The following STARD13 variants were observed in gnomAD, a reference collection of about 807,000 sequenced individuals.
The protein encoded by STARD13 is stAR-related lipid transfer protein 13.
STARD13 carries 62 observed loss-of-function variants against 106.4 expected under a neutral mutation model. The observed-to-expected ratio is 0.58, with a 90% CI of 0.48 to 0.72. The LOEUF (loss-of-function observed/expected upper bound fraction) is 0.72, where lower values mean the gene tolerates loss of function less well. Ranked by LOEUF, STARD13 falls within the 30% of genes least tolerant of loss-of-function variation. The pLI is 0.00. For synonymous variants in STARD13, 565 were observed against 553.0 expected, an observed-to-expected ratio of 1.02 and a Z score of -0.31; for missense variants, 1,387 against 1,424.0, an observed-to-expected ratio of 0.97 and a Z score of 0.42.
chr13:33,113,405 C>T (rs1382831146), intron 8 of STARD13: 7 of 430,744 alleles, frequency 1.6e-5, no homozygotes, highest in South Asian at 4.9e-5. Context: ...ACAGTAGCCT[C>T]GCCTTGCGTT....
At chr13:33,540,260 T>C in the STARD13 span, among the ~76,000 whole-genome samples, 1 of 152,248 alleles carries the variant, frequency 6.6e-6, no homozygotes, top group Admixed American at 6.5e-5. Flanking sequence ...TGGTTCCTAG[T>C]GACCTTAGGT....
chr13:33,431,060 A>C, the STARD13 span, among the ~76,000 whole-genome samples: 1 of 152,238 alleles, frequency 6.6e-6, no homozygotes, highest in African/African-American at 2.4e-5. Context: ...TAGCTAGAAG[A>C]GAACAATTTG....
chr13:33,503,873 C>A, the STARD13 span, among the ~76,000 whole-genome samples: 1 of 152,138 alleles, frequency 6.6e-6, no homozygotes, highest in Middle Eastern at 3.4e-3. Flanking sequence ...GGGCTAATAT[C>A]CAGAATCTAC....
chr13:33,212,557 T>C (rs1208316780), intron 1 of STARD13, among the ~76,000 whole-genome samples: 1 of 152,166 alleles, frequency 6.6e-6, no homozygotes, highest in African/African-American at 2.4e-5. Flanking sequence ...TGTGGGCAGG[T>C]GCAGATGTGC....
At chr13:33,448,376 CTGACT>C in the STARD13 span, among the ~76,000 whole-genome samples, 1 of 152,064 alleles carries the variant, frequency 6.6e-6, no homozygotes, top group South Asian at 2.1e-4. Flanking sequence ...CTTTATGTTC[CTGACT>C]TATTTCACTC....
chr13:33,414,485 C>T, the STARD13 span, among the ~76,000 whole-genome samples: 1 of 152,160 alleles, frequency 6.6e-6, no homozygotes, highest in Non-Finnish European at 1.5e-5. Context: ...GCTAGTGATA[C>T]AGGCAACAAC....
chr13:33,349,851 C>T (rs1178525984), intron 1 of STARD13, among the ~76,000 whole-genome samples: 1 of 152,336 alleles, frequency 6.6e-6, no homozygotes, highest in South Asian at 2.1e-4. Flanking sequence ...CACTCTCCCT[C>T]CCGCGCATTC....
intron 1 of STARD13, among the ~76,000 whole-genome samples, chr13:33,331,586 G>A (rs1224155709): frequency 7.0e-6 from 1 of 143,142 alleles, no homozygotes; most frequent in Non-Finnish European, 1.5e-5. Flanking sequence ...GGCTAGTCTC[G>A]AACTCCTGAC....
chr13:33,323,042 C>CA (rs1893617059), intron 1 of STARD13, among the ~76,000 whole-genome samples: 1 of 152,206 alleles, frequency 6.6e-6, no homozygotes, highest in Non-Finnish European at 1.5e-5. Flanking sequence ...TTGAAATCTC[C>CA]ATATTTTTTC....
the STARD13 span, among the ~76,000 whole-genome samples, chr13:33,390,565 G>A: frequency 6.6e-6 from 1 of 151,944 alleles, no homozygotes; most frequent in Non-Finnish European, 1.5e-5. Flanking sequence ...GAAATAAGAG[G>A]GCAAAAATAA....
the STARD13 span, among the ~76,000 whole-genome samples, chr13:33,510,979 T>C: frequency 6.6e-6 from 1 of 152,164 alleles, no homozygotes; most frequent in Non-Finnish European, 1.5e-5. Flanking sequence ...CAAAGAGAAA[T>C]AATTGAGCTG....
upstream of STARD13, among the ~76,000 whole-genome samples, chr13:33,352,260 T>C (rs2078085813): frequency 6.6e-6 from 1 of 152,206 alleles, no homozygotes; most frequent in African/African-American, 2.4e-5. Flanking sequence ...CAAAATGCTC[T>C]GCAAAGAACA....
chr13:33,407,119 C>T, the STARD13 span, among the ~76,000 whole-genome samples: 1 of 152,164 alleles, frequency 6.6e-6, no homozygotes, highest in Non-Finnish European at 1.5e-5. Context: ...GTTTAACCCA[C>T]GGTCCAGCAG....
intron 1 of STARD13, among the ~76,000 whole-genome samples, chr13:33,197,387 G>C (rs1364339651): frequency 1.3e-5 from 2 of 150,604 alleles, no homozygotes; most frequent in Admixed American, 6.6e-5. Flanking sequence ...GGTGTGAATT[G>C]AGTTATCTCT....
At chr13:33,381,774 A>G in the STARD13 span, among the ~76,000 whole-genome samples, 3 of 152,144 alleles carry the variant, frequency 2.0e-5, no homozygotes, top group Non-Finnish European at 4.4e-5. Context: ...ATAAATTAAA[A>G]CATAAAAAAT....
rs551765612 is a variant in STARD13 at position 33,242,191 on chromosome 13, C to T, written c.169+43279G>A. ...AGTGAGGAGCCCCTCCGCCCAGCAGCCGCCCCATCCGGGAGGTGGGGGGCA... is the reference window on the plus strand; with the variant it reads ...AGTGAGGAGCCCCTCCGCCCAGCAGTCGCCCCATCCGGGAGGTGGGGGGCA... On this transcript the variant is annotated intron_variant, in intron 1 of 13. Transcript: ENST00000336934. Among the ~76,000 whole-genome samples, 629 of 152,298 alleles carry T rather than the reference C, an allele frequency of 4.1e-3. 6 individuals are homozygous for T. Among genetic ancestry groups the T allele is most frequent in the African/African-American group, 0.014 (589 of 41,568 alleles).
intron 8 of STARD13, chr13:33,113,692 TG>T: frequency 2.3e-6 from 1 of 441,424 alleles, no homozygotes; most frequent in East Asian, 7.0e-5. Flanking sequence ...CCTAAGGTTA[TG>T]GGGGATGTCT....
rs554422251 is a variant in STARD13 at position 33,181,595 on chromosome 13, G to A, written c.170-13973C>T. Among the ~76,000 whole-genome samples, 15 of 152,326 alleles carry A rather than the reference G, an allele frequency of 9.8e-5. No individual in the cohort carries two copies. In the South Asian group the frequency reaches 1.9e-3, roughly 19 times the overall value. ...CAGGTTCTTCCAAACTCACAAGGCT[G>A]TTGTACATATGGGAAAATGTATTAT... On this transcript the variant is annotated intron_variant, in intron 1 of 13. Coordinates refer to ENST00000336934, the MANE Select transcript of STARD13 (RefSeq NM_178006.4).
intron 1 of STARD13, among the ~76,000 whole-genome samples, chr13:33,339,989 T>C (rs2077942150): frequency 6.6e-6 from 1 of 152,102 alleles, no homozygotes; most frequent in African/African-American, 2.4e-5. Flanking sequence ...CAATCCATCA[T>C]TGTTTTCTAG....
Sources: allele counts gnomAD v4.1 joint callset (sites outside exome capture counted in the v4.1 genomes callset), GRCh38; gene constraint gnomAD v4.1.1; transcripts MANE v1.5; gene names NCBI Gene and HGNC (gene_info 2026-07-23, HGNC 2026-07-21).